AGBL4: variants seen among roughly 807,000 people sequenced by gnomAD.
AGBL4 encodes AGBL carboxypeptidase 4.
AGBL4 carries 58 observed loss-of-function variants against 66.4 expected under a neutral mutation model. The observed-to-expected ratio is 0.87, with a 90% CI of 0.71 to 1.09. The LOEUF (loss-of-function observed/expected upper bound fraction) is 1.09. Among genes scored for constraint, AGBL4 ranks in the 50% least tolerant of loss-of-function variants. AGBL4 has a pLI of 0.00. For missense variants in AGBL4, 579 were observed against 631.0 expected, an observed-to-expected ratio of 0.92 and a Z score of 0.88; for synonymous variants, 234 against 222.9, an observed-to-expected ratio of 1.05 and a Z score of -0.44.
intron 1 of AGBL4, among the ~76,000 whole-genome samples, chr1:49,901,947 C>A (rs1649807010): frequency 6.6e-6 from 1 of 152,134 alleles, no homozygotes; most frequent in Non-Finnish European, 1.5e-5. Context: ...GAAAGGACTC[C>A]CTTTTCAATA....
chr1:49,300,187 G>A (rs758247867), intron 3 of AGBL4, among the ~76,000 whole-genome samples: 7 of 152,040 alleles, frequency 4.6e-5, no homozygotes, highest in Admixed American at 6.6e-5. Flanking sequence ...ATAAAATTTC[G>A]GAGTAACATT....
intron 8 of AGBL4, among the ~76,000 whole-genome samples, chr1:48,636,274 G>A (rs776006532): frequency 4.6e-5 from 7 of 152,206 alleles, no homozygotes; most frequent in Non-Finnish European, 1.0e-4. Context: ...TATAACTCCT[G>A]TTAGCCTTTG....
chr1:48,729,473 G>C (rs538597603), intron 6 of AGBL4, among the ~76,000 whole-genome samples: 113 of 152,280 alleles, frequency 7.4e-4, no homozygotes, highest in South Asian at 1.2e-3. Context: ...AATTGCTATG[G>C]AGAACAAGCA....
chr1:48,787,492 A>G (rs12737173), intron 6 of AGBL4, among the ~76,000 whole-genome samples: 1 of 152,202 alleles, frequency 6.6e-6, no homozygotes, highest in Non-Finnish European at 1.5e-5. Flanking sequence ...ATTTAGTAGC[A>G]CAAAGGAATA....
At chr1:49,593,147 G>A (rs1444771860) in intron 3 of AGBL4, among the ~76,000 whole-genome samples, 5 of 152,180 alleles carry the variant, frequency 3.3e-5, no homozygotes, top group Admixed American at 1.3e-4. Context: ...GGTGTCTCAC[G>A]CCTGTAATCC....
intron 3 of AGBL4, among the ~76,000 whole-genome samples, chr1:49,471,600 A>G (rs1646746753): frequency 6.6e-6 from 1 of 151,876 alleles, no homozygotes; most frequent in Admixed American, 6.6e-5. Context: ...TGCCTCAAAG[A>G]TGCAAGAATG....
intron 4 of AGBL4, among the ~76,000 whole-genome samples, chr1:49,223,436 T>C (rs547820430): frequency 2.4e-4 from 36 of 152,256 alleles, no homozygotes; most frequent in African/African-American, 8.4e-4. Flanking sequence ...AGTGTAAAAG[T>C]TTATGTGGGG....
chr1:49,191,766 T>A (rs1213497892), intron 4 of AGBL4, among the ~76,000 whole-genome samples: 2 of 152,204 alleles, frequency 1.3e-5, no homozygotes, highest in African/African-American at 2.4e-5. Flanking sequence ...CCCAGCTGCA[T>A]CACTCTTGCT....
Position 48,658,096 on chromosome 1 carries a change from A to G in AGBL4, c.725-4645T>C, listed in dbSNP as rs74076210. On this transcript the variant is annotated intron_variant, in intron 7 of 13. Coordinates refer to ENST00000371839, the MANE Select transcript of AGBL4 (RefSeq NM_032785.4). ...ATTAGCTGGACTGACTTGTAATTCT[A>G]TTGGCTCCATTTCACAGACAGGGAA... Among the ~76,000 whole-genome samples the G allele has an allele frequency of 9.8e-3, 1,496 of 152,250 alleles. 28 individuals are homozygous for G. Among genetic ancestry groups the G allele is most frequent in the African/African-American group, 0.034 (1,410 of 41,548 alleles).
chr1:49,060,516 G>T (rs1230329625), intron 4 of AGBL4, among the ~76,000 whole-genome samples: 1 of 152,162 alleles, frequency 6.6e-6, no homozygotes, highest in African/African-American at 2.4e-5. Context: ...CCTAACATGT[G>T]AGGAGCCACT....
At chr1:48,638,733 C>G (rs1331825796) in intron 8 of AGBL4, among the ~76,000 whole-genome samples, 1 of 152,170 alleles carries the variant, frequency 6.6e-6, no homozygotes, top group Non-Finnish European at 1.5e-5. Flanking sequence ...TCCTCAAGAG[C>G]AAGGATGCCA....
At chr1:49,121,800 T>C (rs995728366) in intron 4 of AGBL4, among the ~76,000 whole-genome samples, 1 of 152,240 alleles carries the variant, frequency 6.6e-6, no homozygotes, top group Admixed American at 6.5e-5. Context: ...TGTTCAGCTA[T>C]GTCCTGCCCA....
chr1:48,767,138 C>A (rs1046913680), intron 6 of AGBL4, among the ~76,000 whole-genome samples: 7 of 152,124 alleles, frequency 4.6e-5, no homozygotes, highest in Admixed American at 3.3e-4. Context: ...AAAAACAGTG[C>A]AGTCTTTTGA....
At chr1:49,679,407 G>C (rs1480413085) in intron 3 of AGBL4, among the ~76,000 whole-genome samples, 1 of 152,068 alleles carries the variant, frequency 6.6e-6, no homozygotes, top group South Asian at 2.1e-4. Flanking sequence ...ATGTGTGTGT[G>C]TGTGAATCTC....
chr1:48,938,487 T>C (rs1275444916), intron 5 of AGBL4, among the ~76,000 whole-genome samples: 1 of 152,142 alleles, frequency 6.6e-6, no homozygotes. Flanking sequence ...TAGTTGGGGA[T>C]GGCTTCTCTG....
At chr1:48,752,613 T>C (rs999651924) in intron 6 of AGBL4, among the ~76,000 whole-genome samples, 5 of 152,184 alleles carry the variant, frequency 3.3e-5, no homozygotes, top group African/African-American at 9.7e-5. Flanking sequence ...TGTAGGACAA[T>C]GGGTGCCTAT....
chr1:48,873,001 C>T (rs1190783862), intron 5 of AGBL4, among the ~76,000 whole-genome samples: 1 of 152,208 alleles, frequency 6.6e-6, no homozygotes, highest in Non-Finnish European at 1.5e-5. Context: ...GGGCTTCTCA[C>T]TATCTGGTAC....
intron 3 of AGBL4, among the ~76,000 whole-genome samples, chr1:49,530,742 A>G (rs1166739722): frequency 6.6e-6 from 1 of 152,068 alleles, no homozygotes; most frequent in Non-Finnish European, 1.5e-5. Context: ...TCCAAGGAAA[A>G]GTGGGAACAG....
At chr1:49,425,751 AG>A (rs1016228409) in intron 3 of AGBL4, among the ~76,000 whole-genome samples, 9 of 152,276 alleles carry the variant, frequency 5.9e-5, no homozygotes, top group African/African-American at 1.7e-4. Flanking sequence ...AGTAGAGACC[AG>A]GGGTGAGGGG....
Sources: gnomAD v4.1 joint callset for allele counts (sites outside exome capture counted in the v4.1 genomes callset) on GRCh38, gnomAD v4.1.1 for gene constraint, MANE v1.5 for transcripts, NCBI Gene and HGNC (gene_info 2026-07-23, HGNC 2026-07-21) for gene names.